The following RAD54L2 variants were observed in gnomAD, a reference collection of about 807,000 sequenced individuals.
RAD54L2 encodes RAD54 like 2, also known as helicase ARIP4.
Under a neutral mutation model 138.4 loss-of-function variants are expected in RAD54L2, and 27 were observed. That is an observed-to-expected ratio of 0.20 (90% confidence interval 0.14 to 0.27). The LOEUF is 0.27. RAD54L2 is among the 10% of genes least tolerant of loss of function. RAD54L2 has a pLI of 1.00. For synonymous variants in RAD54L2, 644 were observed against 723.2 expected, an observed-to-expected ratio of 0.89 and a Z score of 1.76; for missense variants, 1,396 against 1,890.2, an observed-to-expected ratio of 0.74 and a Z score of 4.85.
chr3:51,634,056 T>C, intron 9 of RAD54L2, 21 bp downstream of exon 9: 1 of 1,609,164 alleles, frequency 6.2e-7, no homozygotes, highest in Non-Finnish European at 8.5e-7. Flanking sequence ...TGCCCTTTCC[T>C]CTCTGCCCCT....
intron 1 of RAD54L2, among the ~76,000 whole-genome samples, chr3:51,540,562 C>A (rs999325697): frequency 7.9e-5 from 12 of 152,148 alleles, no homozygotes; most frequent in Non-Finnish European, 1.8e-4. Flanking sequence ...GGGAACCCTA[C>A]ATGAACAAAA....
chr3:51,595,375 T>C (rs1480333354), intron 3 of RAD54L2, among the ~76,000 whole-genome samples: 1 of 152,204 alleles, frequency 6.6e-6, no homozygotes, highest in Non-Finnish European at 1.5e-5. Context: ...CTGGATTTTA[T>C]AGGACTTGGT....
At chr3:51,544,339 A>G (rs781793492) in intron 2 of RAD54L2, among the ~76,000 whole-genome samples, 3 of 152,216 alleles carry the variant, frequency 2.0e-5, no homozygotes, top group Non-Finnish European at 4.4e-5. Context: ...GCTAAAGGCA[A>G]CACTTTGTTG....
chr3:51,611,603 C>G (rs1175430560), intron 3 of RAD54L2: 1 of 151,730 alleles, frequency 6.6e-6, no homozygotes, highest in Non-Finnish European at 1.5e-5. Context: ...CTCTGTTGCC[C>G]AGGCTGGAGT....
chr3:51,662,394 C>T lies in RAD54L2; in HGVS notation c.3410-32C>T. 1 of 1,485,364 alleles carries T rather than the reference C, an allele frequency of 6.7e-7. No individual in the cohort carries two copies. The allele number at this position is 1,485,364 out of a possible 1,614,324, so 92.0% of individuals were successfully genotyped here. ...TACCCTTCTTCTCTCCCTGGCCACT[C>T]TGATTCTCAGTTAACTACATTTTGT... On this transcript the variant is annotated intron_variant, in intron 22 of 22. Transcript: ENST00000684192. The surrounding 1 kb of genome is among the most constrained non-coding windows in gnomAD (Gnocchi z 4.6).
intron 3 of RAD54L2, among the ~76,000 whole-genome samples, chr3:51,603,984 G>C (rs1700128419): frequency 6.6e-6 from 1 of 152,118 alleles, no homozygotes; most frequent in African/African-American, 2.4e-5. Flanking sequence ...GGGGGATAAG[G>C]GATAAAGTAG....
At chr3:51,627,515 A>G (rs1236229060) in intron 3 of RAD54L2, 38 bp from the exon 4 acceptor site, 1 of 1,534,206 alleles carries the variant, frequency 6.5e-7, no homozygotes, top group Admixed American at 2.0e-5. Flanking sequence ...ATTCCCCCTC[A>G]CCCCTATAAA....
At chr3:51,622,074 T>C (rs754290001) in intron 3 of RAD54L2, among the ~76,000 whole-genome samples, 1 of 152,182 alleles carries the variant, frequency 6.6e-6, no homozygotes, top group Non-Finnish European at 1.5e-5. Flanking sequence ...GAAAGAATGA[T>C]AGTTCTTTTA....
At chr3:51,605,579 A>G (rs1207567621) in intron 3 of RAD54L2, among the ~76,000 whole-genome samples, 5 of 145,316 alleles carry the variant, frequency 3.4e-5, no homozygotes, top group African/African-American at 1.3e-4. Flanking sequence ...CAGCCTCCTT[A>G]CTAGCTGGGA....
Position 51,637,846 on chromosome 3 carries a change from T to C in RAD54L2, c.1683-298T>C, listed in dbSNP as rs1017016390. Reference sequence around the variant, plus strand: ...CATTTTTCCTTGTTGAGATGGCATATGGAGCGAAAGCTCAGAGAGGCAGCC... The same window carrying C: ...CATTTTTCCTTGTTGAGATGGCATACGGAGCGAAAGCTCAGAGAGGCAGCC... On this transcript the variant is annotated intron_variant, in intron 11 of 22. Coordinates refer to ENST00000684192, the MANE Select transcript of RAD54L2 (RefSeq NM_015106.4). This position sits in a 1 kb window ranked among gnomAD's most constrained non-coding sequence, Gnocchi z 5.9. Among the ~76,000 whole-genome samples, 10 of 152,244 alleles carry C rather than the reference T, an allele frequency of 6.6e-5. No individual in the cohort carries two copies. Among genetic ancestry groups the C allele is most frequent in the Non-Finnish European group, 1.3e-4 (9 of 68,040 alleles).
chr3:51,652,759 A>G, intron 19 of RAD54L2, among the ~76,000 whole-genome samples: 1 of 152,204 alleles, frequency 6.6e-6, no homozygotes, highest in East Asian at 1.9e-4. Context: ...CCTTCCTTAC[A>G]CCTTATACAA....
chr3:51,617,875 T>A (rs183104185), intron 3 of RAD54L2, among the ~76,000 whole-genome samples: 5 of 152,308 alleles, frequency 3.3e-5, no homozygotes, highest in Middle Eastern at 3.4e-3. Flanking sequence ...AGAGCAAAAT[T>A]CTGTCTCTAA....
At chr3:51,656,861 G>A (rs960311174) in intron 20 of RAD54L2, among the ~76,000 whole-genome samples, 2 of 151,602 alleles carry the variant, frequency 1.3e-5, no homozygotes, top group African/African-American at 4.9e-5. Flanking sequence ...TCAGCCTCCC[G>A]AGTTGCTGGA....
At chr3:51,570,856 C>G (rs1484002781) in intron 2 of RAD54L2, among the ~76,000 whole-genome samples, 1 of 152,040 alleles carries the variant, frequency 6.6e-6, no homozygotes, top group Non-Finnish European at 1.5e-5. Context: ...GAGTTTTGCT[C>G]TTGTTGCCAA....
intron 2 of RAD54L2, among the ~76,000 whole-genome samples, chr3:51,587,202 G>A (rs1008974947): frequency 1.0e-3 from 153 of 151,786 alleles, no homozygotes; most frequent in Admixed American, 1.7e-3. Flanking sequence ...CCGGGTTCAC[G>A]CCATTCTCCT....
At chr3:51,621,833 G>T (rs1377185542) in intron 3 of RAD54L2, among the ~76,000 whole-genome samples, 2 of 152,246 alleles carry the variant, frequency 1.3e-5, no homozygotes, top group Non-Finnish European at 2.9e-5. Context: ...CCAGCCTCAA[G>T]TGTAGTCGGT....
At position 51,603,769 on chromosome 3, in the gene RAD54L2, C is replaced by A. The variant is rs193233145; in HGVS notation, c.139+13210C>A. ...TGAACTCCTGGCCTTAACTTGTACT[C>A]CCACCTCAGCCTTCCAAGTGATGGA... On this transcript the variant is annotated intron_variant, in intron 3 of 22. Transcript: ENST00000684192. Among the ~76,000 whole-genome samples, 373 of 152,178 alleles carry A rather than the reference C, an allele frequency of 2.5e-3. 3 individuals carry two copies. Among genetic ancestry groups the A allele is most frequent in the African/African-American group, 8.3e-3 (345 of 41,524 alleles).
intron 2 of RAD54L2, among the ~76,000 whole-genome samples, chr3:51,584,694 A>G (rs1264574983): frequency 6.7e-6 from 1 of 149,816 alleles, no homozygotes; most frequent in Non-Finnish European, 1.5e-5. Context: ...CTTACTATAG[A>G]GTAACTGAAC....
intron 14 of RAD54L2, 50 bp from the exon 15 acceptor site, chr3:51,641,699 A>G (rs1701140646): frequency 8.1e-7 from 1 of 1,240,648 alleles, no homozygotes; most frequent in Non-Finnish European, 1.2e-6. Flanking sequence ...ATTGGGAACA[A>G]TGTTCCCTCA....
Sources: gnomAD v4.1 joint callset for allele counts (sites outside exome capture counted in the v4.1 genomes callset) on GRCh38, gnomAD v4.1.1 for gene constraint, Gnocchi (gnomAD v3.1) non-coding constraint, MANE v1.5 for transcripts, NCBI Gene and HGNC (gene_info 2026-07-23, HGNC 2026-07-21) for gene names.